Variants in GABRB1 observed in about 807,000 individuals in gnomAD.
The protein encoded by GABRB1 is gamma-aminobutyric acid type A receptor subunit beta1.
In GABRB1, 17 loss-of-function variants were observed where a neutral mutation model predicts 51.6. That is an observed-to-expected ratio of 0.33 (90% CI 0.23 to 0.49). The LOEUF (loss-of-function observed/expected upper bound fraction) is 0.49, where lower values mean the gene tolerates loss of function less well. GABRB1 is among the 20% of genes least tolerant of loss of function. The pLI, the probability that GABRB1 is intolerant of heterozygous loss-of-function variation, is 0.99. For synonymous variants in GABRB1, 247 were observed against 218.9 expected (o/e 1.13, Z -1.14); for missense variants, 410 against 600.6 (o/e 0.68, Z 3.32).
intron 4 of GABRB1, among the ~76,000 whole-genome samples, chr4:47,173,971 A>G (rs1013196627): frequency 3.3e-5 from 5 of 152,092 alleles, no homozygotes; most frequent in African/African-American, 1.2e-4. Context: ...TATCACAACT[A>G]TTGTTTTTCC....
chr4:47,098,454 T>C (rs1481759955), intron 3 of GABRB1, among the ~76,000 whole-genome samples: 1 of 152,140 alleles, frequency 6.6e-6, no homozygotes, highest in Admixed American at 6.5e-5. Context: ...ACTGTTTTTT[T>C]TCCCCCCAAT....
intron 4 of GABRB1, among the ~76,000 whole-genome samples, chr4:47,229,839 G>C (rs1244333354): frequency 6.6e-6 from 1 of 152,068 alleles, no homozygotes; most frequent in African/African-American, 2.4e-5. Flanking sequence ...TAAGAGACAA[G>C]AAATGGATTT....
intron 5 of GABRB1, among the ~76,000 whole-genome samples, chr4:47,363,622 C>T (rs1283091640): frequency 6.6e-6 from 1 of 152,086 alleles, no homozygotes; most frequent in Admixed American, 6.6e-5. Flanking sequence ...AGAATAGAAA[C>T]AGAATGGATT....
chr4:47,410,520 T>C (rs914076736), intron 8 of GABRB1, among the ~76,000 whole-genome samples: 1 of 152,226 alleles, frequency 6.6e-6, no homozygotes, highest in Middle Eastern at 3.4e-3. Flanking sequence ...GAAACTGAAG[T>C]TGTATTGACC....
At chr4:47,264,125 G>C (rs1247303575) in intron 4 of GABRB1, among the ~76,000 whole-genome samples, 1 of 152,064 alleles carries the variant, frequency 6.6e-6, no homozygotes, top group Non-Finnish European at 1.5e-5. Flanking sequence ...CTGGGCAAAA[G>C]TGCAAGACTC....
chr4:47,253,141 G>A (rs1174157885), intron 4 of GABRB1, among the ~76,000 whole-genome samples: 1 of 152,166 alleles, frequency 6.6e-6, no homozygotes, highest in Admixed American at 6.5e-5. Flanking sequence ...TTGAAGCAAG[G>A]CAGTGTGCCT....
intron 4 of GABRB1, among the ~76,000 whole-genome samples, chr4:47,265,994 T>C (rs1370098207): frequency 6.6e-6 from 1 of 152,160 alleles, no homozygotes; most frequent in African/African-American, 2.4e-5. Context: ...GCTTTTGAGG[T>C]CTTAGTTATG....
intron 4 of GABRB1, among the ~76,000 whole-genome samples, chr4:47,225,483 C>T (rs1265051364): frequency 1.3e-5 from 2 of 152,076 alleles, no homozygotes; most frequent in Non-Finnish European, 2.9e-5. Flanking sequence ...GAGCTGTTTT[C>T]TCCTATTTTT....
At chr4:47,000,710 C>G (rs1043926899) in intron 1 of GABRB1, among the ~76,000 whole-genome samples, 3 of 152,178 alleles carry the variant, frequency 2.0e-5, no homozygotes, top group African/African-American at 7.2e-5. Context: ...TCCCCCACCT[C>G]CCCCATCTTA....
chr4:47,099,630 T>A (rs1714636009), intron 3 of GABRB1, among the ~76,000 whole-genome samples: 1 of 152,102 alleles, frequency 6.6e-6, no homozygotes, highest in Admixed American at 6.6e-5. Context: ...AGGCTCATCC[T>A]TTAAATGCTA....
intron 3 of GABRB1, among the ~76,000 whole-genome samples, chr4:47,058,943 T>C (rs537796520): frequency 1.3e-5 from 2 of 152,288 alleles, no homozygotes; most frequent in African/African-American, 4.8e-5. Flanking sequence ...ATAAGTAAAA[T>C]GGTGGTTTAT....
chr4:47,115,423 C>T (rs891382944), intron 3 of GABRB1, among the ~76,000 whole-genome samples: 4 of 151,512 alleles, frequency 2.6e-5, no homozygotes, highest in African/African-American at 9.7e-5. Flanking sequence ...ATTTTTTCTT[C>T]TTTTTTGGAA....
rs375965914 is a variant in GABRB1 at position 47,007,895 on chromosome 4, A to ATATATATATATATATATAG, written c.-20+13969_-20+13970insTATATATATATATATATAG. On this transcript the variant is annotated intron_variant, in intron 1 of 3. Transcript: ENST00000513567. ...ATATATATATATATATATATATATAAAATCAAGTTTGTATTTTTAAATAGT... is the reference window on the plus strand; with the variant it reads ...ATATATATATATATATATATATATAATATATATATATATATATAGAATCAAGTTTGTATTTTTAAATAGT... Among the ~76,000 whole-genome samples the ATATATATATATATATATAG allele has an allele frequency of 2.1e-3, 36 of 17,510 alleles. 2 individuals carry two copies. Among genetic ancestry groups the ATATATATATATATATATAG allele is most frequent in the Non-Finnish European group, 5.9e-3 (34 of 5,746 alleles). The allele number at this position is 17,510 out of a possible 152,430, so 11.5% of individuals were successfully genotyped here. A position where few individuals can be genotyped will look rare whatever the true frequency, so the allele number is the denominator to read the frequency against.
chr4:47,098,151 A>C (rs1714537709), intron 3 of GABRB1, among the ~76,000 whole-genome samples: 1 of 148,228 alleles, frequency 6.7e-6, no homozygotes, highest in Non-Finnish European at 1.5e-5. Context: ...TTTTAGTACA[A>C]ACACACACAC....
chr4:47,044,144 G>A (rs188356410), intron 3 of GABRB1, among the ~76,000 whole-genome samples: 111 of 152,118 alleles, frequency 7.3e-4, no homozygotes, highest in African/African-American at 2.3e-3. Flanking sequence ...TGACAGTGAC[G>A]CCTAATAATT....
intron 8 of GABRB1, among the ~76,000 whole-genome samples, 198 bp downstream of exon 8, chr4:47,407,124 C>T (rs962987776): frequency 1.3e-5 from 2 of 152,166 alleles, no homozygotes; most frequent in Non-Finnish European, 2.9e-5. Flanking sequence ...GTAATATACC[C>T]TGGAACTCAA....
At chr4:47,378,404 G>T (rs569317601) in intron 5 of GABRB1, among the ~76,000 whole-genome samples, 1 of 152,122 alleles carries the variant, frequency 6.6e-6, no homozygotes, top group Non-Finnish European at 1.5e-5. Flanking sequence ...CGCAAGCACC[G>T]CGCGCAGCCC....
intron 3 of GABRB1, among the ~76,000 whole-genome samples, chr4:47,158,998 C>T (rs925500143): frequency 2.6e-5 from 4 of 151,798 alleles, no homozygotes; most frequent in South Asian, 2.1e-4. Flanking sequence ...TAAGGCAAGT[C>T]AGGAACAGTG....
At chr4:47,419,528 T>C (rs901068847) in intron 8 of GABRB1, among the ~76,000 whole-genome samples, 12 of 152,188 alleles carry the variant, frequency 7.9e-5, no homozygotes, top group Non-Finnish European at 1.5e-4. Context: ...ATTTGTCCAG[T>C]AAAACATTTA....
Sources: gnomAD v4.1 joint callset for allele counts (sites outside exome capture counted in the v4.1 genomes callset) on GRCh38, gnomAD v4.1.1 for gene constraint, MANE v1.5 for transcripts, NCBI Gene and HGNC (gene_info 2026-07-23, HGNC 2026-07-21) for gene names.